The following SYN3 variants were observed in gnomAD, a reference collection of about 807,000 sequenced individuals.
SYN3 encodes the protein synapsin III.
SYN3 carries 35 observed loss-of-function variants against 65.8 expected under a neutral mutation model. The ratio of observed to expected loss-of-function variants is 0.53; its 90% confidence interval spans 0.41 to 0.70. The LOEUF is 0.70. Ranked by LOEUF, SYN3 falls within the 30% of genes least tolerant of loss-of-function variation. SYN3 has a pLI of 0.00. For missense variants in SYN3, 680 were observed against 749.0 expected (o/e 0.91, Z 1.08); for synonymous variants, 270 against 292.9 (o/e 0.92, Z 0.80).
intron 6 of SYN3, among the ~76,000 whole-genome samples, chr22:32,863,932 G>A (rs777743418): frequency 1.3e-5 from 2 of 152,122 alleles, no homozygotes; most frequent in Admixed American, 6.5e-5. Context: ...GGTTTCACAT[G>A]TGCCCTTCTT....
rs549853506 is a variant in SYN3, at chr22:32,837,427, C to G, written c.711+27488G>C. Among the ~76,000 whole-genome samples the G allele has an allele frequency of 3.3e-5, 5 of 152,192 alleles. No individual in the cohort carries two copies. Among genetic ancestry groups the G allele is most frequent in the South Asian group, 4.1e-4 (2 of 4,820 alleles). Reference sequence around the variant, plus strand: ...TGAGCTTTTGAGAGGTCAGCATGCCCCCTTAAACTTGATGTCTCCTCAGAG... The same window carrying G: ...TGAGCTTTTGAGAGGTCAGCATGCCGCCTTAAACTTGATGTCTCCTCAGAG... On this transcript the variant is annotated intron_variant, in intron 6 of 13. Transcript: ENST00000358763. This position sits in a 1 kb window ranked among gnomAD's most constrained non-coding sequence, Gnocchi z 4.1.
chr22:32,573,945 T>A (rs1011583590), intron 7 of SYN3, among the ~76,000 whole-genome samples: 6 of 150,962 alleles, frequency 4.0e-5, no homozygotes, highest in African/African-American at 4.9e-5. Context: ...AATTTTTTTT[T>A]TTTTTTTATT....
intron 3 of SYN3, among the ~76,000 whole-genome samples, chr22:32,960,975 C>T (rs886897798): frequency 6.6e-6 from 1 of 152,190 alleles, no homozygotes; most frequent in Non-Finnish European, 1.5e-5. Context: ...GCCCACACCA[C>T]CATAAACTGT....
At chr22:32,613,360 T>G (rs1055636867) in intron 6 of SYN3, among the ~76,000 whole-genome samples, 1 of 152,096 alleles carries the variant, frequency 6.6e-6, no homozygotes, top group Non-Finnish European at 1.5e-5. Flanking sequence ...GAGAGAGAAT[T>G]ATCTCTAGCC....
At chr22:32,855,056 T>C (rs1226894010) in intron 6 of SYN3, among the ~76,000 whole-genome samples, 1 of 152,230 alleles carries the variant, frequency 6.6e-6, no homozygotes, top group Non-Finnish European at 1.5e-5. Flanking sequence ...GGTAAATTAA[T>C]ACCAAATGCC....
At chr22:32,783,455 T>C (rs1243180127) in intron 6 of SYN3, among the ~76,000 whole-genome samples, 1 of 152,228 alleles carries the variant, frequency 6.6e-6, no homozygotes, top group African/African-American at 2.4e-5. Flanking sequence ...TCTGAAAGTT[T>C]GTGAATTACA....
intron 4 of SYN3, among the ~76,000 whole-genome samples, chr22:32,907,244 T>G (rs921456372): frequency 2.0e-5 from 3 of 152,132 alleles, no homozygotes; most frequent in African/African-American, 7.2e-5. Flanking sequence ...GAAGGTACTT[T>G]CACTAGCCTA....
chr22:32,682,415 T>C (rs2060536254), intron 6 of SYN3, among the ~76,000 whole-genome samples: 1 of 152,068 alleles, frequency 6.6e-6, no homozygotes, highest in Non-Finnish European at 1.5e-5. Flanking sequence ...GAGAATAGAC[T>C]ATAAGGATAA....
At chr22:32,998,790 A>AAAAC (rs1556121743) in intron 2 of SYN3, among the ~76,000 whole-genome samples, 115 of 142,234 alleles carry the variant, frequency 8.1e-4, no homozygotes, top group African/African-American at 2.7e-3. Flanking sequence ...AAAAAAAAAA[A>AAAAC]AAAAAAAAAC....
intron 7 of SYN3, among the ~76,000 whole-genome samples, chr22:32,587,080 G>C (rs1247035288): frequency 6.6e-6 from 1 of 151,978 alleles, no homozygotes; most frequent in East Asian, 1.9e-4. Flanking sequence ...AAATTAGCTG[G>C]GCATGGTGGC....
At chr22:32,917,883 T>G (rs1352319709) in intron 4 of SYN3, among the ~76,000 whole-genome samples, 1 of 152,230 alleles carries the variant, frequency 6.6e-6, no homozygotes, top group Non-Finnish European at 1.5e-5. Flanking sequence ...GCCCCACCTC[T>G]GCAAGTCCCC....
intron 7 of SYN3, among the ~76,000 whole-genome samples, chr22:32,545,052 G>C (rs193023638): frequency 1.1e-3 from 173 of 152,356 alleles, no homozygotes; most frequent in Non-Finnish European, 1.8e-3. Flanking sequence ...GATGTGAGCG[G>C]AAGAGGTGTA....
chr22:32,695,490 A>G (rs888177664), intron 6 of SYN3, among the ~76,000 whole-genome samples: 1 of 152,190 alleles, frequency 6.6e-6, no homozygotes, highest in African/African-American at 2.4e-5. Flanking sequence ...CTCAGAATTT[A>G]TCAGATATGC....
At chr22:32,789,585 T>C (rs1246088933) in intron 6 of SYN3, among the ~76,000 whole-genome samples, 1 of 152,160 alleles carries the variant, frequency 6.6e-6, no homozygotes, top group African/African-American at 2.4e-5. Flanking sequence ...AGCAATGCTT[T>C]TGTGTGGAGA....
rs1376761893 is a variant in SYN3 at position 32,761,492 on chromosome 22, A to C, written c.711+103423T>G. On this transcript the variant is annotated intron_variant, in intron 6 of 13. Coordinates refer to ENST00000358763, the MANE Select transcript of SYN3 (RefSeq NM_003490.4). Reference sequence around the variant, plus strand: ...ACTGACCCTGGAAGGGAGTGGGGGGACAACAGCAAGGTCAGGCTTCCCAGA... The same window carrying C: ...ACTGACCCTGGAAGGGAGTGGGGGGCCAACAGCAAGGTCAGGCTTCCCAGA... Among the ~76,000 whole-genome samples the C allele has an allele frequency of 3.3e-5, 5 of 152,252 alleles. No individual in the cohort carries two copies. The East Asian group carries it at 9.7e-4, about 29-fold the overall frequency.
At chr22:32,805,562 A>G (rs1189054550) in intron 6 of SYN3, among the ~76,000 whole-genome samples, 1 of 151,906 alleles carries the variant, frequency 6.6e-6, no homozygotes, top group African/African-American at 2.4e-5. Context: ...GGAGGAGGGA[A>G]GAGACATGTC....
intron 6 of SYN3, among the ~76,000 whole-genome samples, chr22:32,726,621 G>T (rs1395569799): frequency 6.6e-6 from 1 of 152,164 alleles, no homozygotes; most frequent in Non-Finnish European, 1.5e-5. Flanking sequence ...ATGTATGAGA[G>T]CTCATGTTTT....
chr22:33,009,759 C>CAT (rs2053302386), intron 1 of SYN3, among the ~76,000 whole-genome samples: 1 of 81,738 alleles, frequency 1.2e-5, no homozygotes, highest in South Asian at 3.6e-4. Flanking sequence ...TAAACACACA[C>CAT]ACACACACAC....
At chr22:32,903,740 C>T (rs1428705372) in intron 4 of SYN3, among the ~76,000 whole-genome samples, 2 of 152,214 alleles carry the variant, frequency 1.3e-5, no homozygotes, top group East Asian at 3.9e-4. Flanking sequence ...CAGATAAAAC[C>T]CTTCCTGTGT....
Sources: allele counts gnomAD v4.1 joint callset (sites outside exome capture counted in the v4.1 genomes callset), GRCh38; gene constraint gnomAD v4.1.1; non-coding constraint Gnocchi (gnomAD v3.1); transcripts MANE v1.5; gene names NCBI Gene and HGNC (gene_info 2026-07-23, HGNC 2026-07-21).